Variants in CDC42EP3 observed in about 807,000 individuals in gnomAD.
The protein encoded by CDC42EP3 is CDC42 effector protein 3, also known as CDC42 effector protein (Rho GTPase binding) 3.
Under a neutral mutation model 15.5 loss-of-function variants are expected in CDC42EP3, and 4 were observed. The ratio of observed to expected loss-of-function variants is 0.26; its 90% CI spans 0.13 to 0.59. CDC42EP3 has a LOEUF of 0.59. CDC42EP3 is among the 20% of genes least tolerant of loss of function. CDC42EP3 has a pLI of 0.89. For missense variants in CDC42EP3, 309 were observed against 311.2 expected (o/e 0.99, Z 0.05); for synonymous variants, 145 against 130.3 (o/e 1.11, Z -0.77).
At chr2:37,670,832 T>A (rs754881926) in intron 1 of CDC42EP3, among the ~76,000 whole-genome samples, 1 of 152,196 alleles carries the variant, frequency 6.6e-6, no homozygotes, top group African/African-American at 2.4e-5. Context: ...TGTCTGATAC[T>A]TGTCTGTGTC....
In CDC42EP3 at chr2:37,645,944, T is replaced by C. The variant is rs146221978; in HGVS notation, c.644A>G (p.Lys215Arg). Residue 215 changes from lysine (K) to arginine (R), a missense_variant, in exon 2 of 2, where the codon AAG becomes AGG. Transcript: ENST00000295324. ...GGACTCCTCTGACTTAGTCTTTCCC[T>C]TGATGAGCTCGCATGGGGTGGGATG... ...FDHPTPCELI[K>R]GKTKSEESLS... is the part of the protein sequence containing the mutation. The C allele has an allele frequency of 2.6e-4, 416 of 1,614,020 alleles. 1 individual carries two copies. The African/African-American group carries it at 4.9e-3, about 19-fold the overall frequency.
At chr2:37,663,526 AAT>A (rs1292961148) in intron 1 of CDC42EP3, among the ~76,000 whole-genome samples, 1 of 152,164 alleles carries the variant, frequency 6.6e-6, no homozygotes, top group African/African-American at 2.4e-5. Flanking sequence ...GGGGGTTGCC[AAT>A]CTCTCCGCGG....
chr2:37,654,136 C>T (rs1665775325), intron 1 of CDC42EP3, among the ~76,000 whole-genome samples: 1 of 152,164 alleles, frequency 6.6e-6, no homozygotes, highest in Admixed American at 6.5e-5. Flanking sequence ...GTACCCTCCG[C>T]CGCCTCCCTA....
chr2:37,669,440 C>A (rs1004384192), intron 1 of CDC42EP3, among the ~76,000 whole-genome samples: 3 of 152,172 alleles, frequency 2.0e-5, no homozygotes, highest in Admixed American at 2.0e-4. Context: ...ATCACTGTTA[C>A]GGCTTTGTAT....
chr2:37,666,390 C>T (rs1230039063), intron 1 of CDC42EP3, among the ~76,000 whole-genome samples: 5 of 152,284 alleles, frequency 3.3e-5, no homozygotes, highest in East Asian at 1.9e-4. Flanking sequence ...ATTCATGGCT[C>T]GAGGTACACT....
intron 1 of CDC42EP3, among the ~76,000 whole-genome samples, chr2:37,668,022 A>T (rs1666297972): frequency 6.6e-6 from 1 of 152,362 alleles, no homozygotes; most frequent in South Asian, 2.1e-4. Flanking sequence ...ACTGAACCCC[A>T]TATATACTAT....
chr2:37,658,312 T>G (rs1434297700), intron 1 of CDC42EP3, among the ~76,000 whole-genome samples: 1 of 152,220 alleles, frequency 6.6e-6, no homozygotes, highest in Non-Finnish European at 1.5e-5. Flanking sequence ...ACAGATTTTT[T>G]TCTTACTGAA....
chr2:37,647,037 T>TAGAC (rs1228268439), intron 1 of CDC42EP3, among the ~76,000 whole-genome samples: 3 of 152,238 alleles, frequency 2.0e-5, no homozygotes, highest in Non-Finnish European at 4.4e-5. Flanking sequence ...CAGTACTTTT[T>TAGAC]AGACATAGCC....
At chr2:37,663,945 C>G (rs753664919) in intron 1 of CDC42EP3, among the ~76,000 whole-genome samples, 2 of 151,974 alleles carry the variant, frequency 1.3e-5, no homozygotes, top group Non-Finnish European at 2.9e-5. Context: ...GAGGCTGAGG[C>G]GGGCAGATCA....
chr2:37,658,188 CT>C (rs1220793570), intron 1 of CDC42EP3, among the ~76,000 whole-genome samples: 1 of 152,218 alleles, frequency 6.6e-6, no homozygotes, highest in Non-Finnish European at 1.5e-5. Flanking sequence ...CATGCATCTA[CT>C]TAAGTCCAGA....
intron 1 of CDC42EP3, among the ~76,000 whole-genome samples, chr2:37,656,990 A>G (rs60004231): frequency 1.2e-4 from 5 of 42,334 alleles, no homozygotes; most frequent in African/African-American, 3.3e-4. Flanking sequence ...CCCCCCCCCC[A>G]CCCCCCGCCC....
intron 1 of CDC42EP3, among the ~76,000 whole-genome samples, chr2:37,670,953 G>A (rs1391438029): frequency 6.7e-6 from 1 of 149,518 alleles, no homozygotes; most frequent in Non-Finnish European, 1.5e-5. Context: ...AGATCTGCAG[G>A]TTGGCGCCCC....
intron 1 of CDC42EP3, among the ~76,000 whole-genome samples, chr2:37,653,355 A>G (rs1665749595): frequency 6.6e-6 from 1 of 152,230 alleles, no homozygotes; most frequent in Admixed American, 6.5e-5. Context: ...AGGAAGGAAG[A>G]GAGCCGGGTT....
chr2:37,658,150 T>C (rs1665940687), intron 1 of CDC42EP3, among the ~76,000 whole-genome samples: 2 of 152,198 alleles, frequency 1.3e-5, no homozygotes, highest in African/African-American at 4.8e-5. Context: ...CCTCTAGGGA[T>C]AACTTCCAAG....
At chr2:37,661,096 T>C (rs1443992491) in intron 1 of CDC42EP3, among the ~76,000 whole-genome samples, 1 of 143,774 alleles carries the variant, frequency 7.0e-6, no homozygotes, top group Non-Finnish European at 1.5e-5. Flanking sequence ...ATACTATATA[T>C]AGTGTGTGTG....
intron 1 of CDC42EP3, among the ~76,000 whole-genome samples, chr2:37,667,600 G>C (rs903599996): frequency 6.6e-6 from 1 of 152,184 alleles, no homozygotes; most frequent in Non-Finnish European, 1.5e-5. Flanking sequence ...AACCCTAGCA[G>C]TGTTCATGCT....
In CDC42EP3 at chr2:37,671,411, G is replaced by A; in HGVS notation, c.-236+15C>T. The stretch of plus-strand genomic sequence containing the variant: ...ACAGGTAGAGAGGAAGGAGCCCTGG[G>A]CTGCCCCGACTCACCGGCCGCCGCT... On this transcript the variant is annotated intron_variant, in intron 1 of 1. Transcript: ENST00000295324. 1 of 152,754 alleles carries A rather than the reference G, an allele frequency of 6.5e-6. No homozygotes were observed. Among genetic ancestry groups the A allele is most frequent in the Non-Finnish European group, 1.5e-5 (1 of 68,388 alleles). 9.5% of individuals were successfully genotyped at this position (152,754 alleles called of 1,614,324 possible). A position where few individuals can be genotyped will look rare whatever the true frequency, so the allele number is the denominator to read the frequency against.
intron 1 of CDC42EP3, among the ~76,000 whole-genome samples, chr2:37,664,874 A>G (rs1403604864): frequency 2.0e-5 from 3 of 152,144 alleles, no homozygotes; most frequent in African/African-American, 7.2e-5. Context: ...ACAAATGGAC[A>G]CAAAGAGGGA....
At chr2:37,659,259 C>G (rs1209250768) in intron 1 of CDC42EP3, among the ~76,000 whole-genome samples, 1 of 152,170 alleles carries the variant, frequency 6.6e-6, no homozygotes, top group Non-Finnish European at 1.5e-5. Context: ...CCTCTTTAAC[C>G]CTGCCTGCTC....
Sources: gnomAD v4.1 joint callset for allele counts (sites outside exome capture counted in the v4.1 genomes callset) on GRCh38, gnomAD v4.1.1 for gene constraint, MANE v1.5 for transcripts, NCBI Gene and HGNC (gene_info 2026-07-23, HGNC 2026-07-21) for gene names.